JAK3: variants seen among roughly 807,000 people sequenced by gnomAD.
JAK3 encodes tyrosine-protein kinase JAK3.
In JAK3, 88 loss-of-function variants were observed where a neutral mutation model predicts 120.8. The observed-to-expected ratio is 0.73, with a 90% CI of 0.61 to 0.87. The LOEUF (loss-of-function observed/expected upper bound fraction) is 0.87, where lower values mean the gene tolerates loss of function less well. Ranked by LOEUF, JAK3 falls within the 40% of genes least tolerant of loss-of-function variation. The pLI, the probability that JAK3 is intolerant of heterozygous loss-of-function variation, is 0.00. For missense variants in JAK3, 1,254 were observed against 1,501.4 expected (o/e 0.84, Z 2.72); for synonymous variants, 592 against 628.6 (o/e 0.94, Z 0.87).
chr19:17,832,901 A>G lies in JAK3; in HGVS notation c.2379T>C (p.Pro793=). Reference sequence around the variant, plus strand: ...GCCCATCACGAGGTGCCAGGGCACCAGGTGTGGGGTCTGAGAGGAGCTCAT... The same window carrying G: ...GCCCATCACGAGGTGCCAGGGCACCGGGTGTGGGGTCTGAGAGGAGCTCAT... The part of the protein sequence containing the change: ...SDYELLSDPT[P]GALAPRDGLW... The change falls in exon 18 of 24, where the codon CCT becomes CCC. Residue 793 remains proline, a synonymous_variant. Transcript: ENST00000458235. This position sits in a 1 kb window ranked among gnomAD's most constrained non-coding sequence, Gnocchi z 4.7. The G allele has an allele frequency of 6.2e-7, 1 of 1,614,180 alleles. No individual in the cohort carries two copies. The highest frequency in any genetic ancestry group is 1.3e-5 in the African/African-American group (1 of 75,078).
intron 23 of JAK3, 120 bp downstream of exon 23, chr19:17,829,988 T>G (rs1171120111): frequency 1.3e-6 from 1 of 761,676 alleles, no homozygotes; most frequent in East Asian, 2.7e-5. Context: ...GCCAGGATCC[T>G]CATCGGCCTC....
Position 17,831,114 on chromosome 19 carries a change from G to C in JAK3, c.2978+114C>G. The C allele has an allele frequency of 8.7e-7, 1 of 1,145,818 alleles. No individual in the cohort carries two copies. The highest frequency in any genetic ancestry group is 1.4e-5 in the South Asian group (1 of 69,268). 71.0% of individuals were successfully genotyped at this position (1,145,818 alleles called of 1,614,324 possible). A position where few individuals can be genotyped will look rare whatever the true frequency, so the allele number is the denominator to read the frequency against. ...TGGGAGGGGCCAAAGCTGCAGCGGA[G>C]GAAGGGCGGGGCTAAGGCTGGGGAG... On this transcript the variant is annotated intron_variant, in intron 21 of 23. Coordinates refer to ENST00000458235, the MANE Select transcript of JAK3 (RefSeq NM_000215.4). The surrounding 1 kb of genome is among the most constrained non-coding windows in gnomAD (Gnocchi z 5.1).
chr19:17,842,860 C>A lies in JAK3; in HGVS notation c.566+167G>T. On this transcript the variant is annotated intron_variant, in intron 5 of 23. Coordinates refer to ENST00000458235, the MANE Select transcript of JAK3 (RefSeq NM_000215.4). This position sits in a 1 kb window ranked among gnomAD's most constrained non-coding sequence, Gnocchi z 6.4. ...TGGGGGAGGTCAGGTGTCTGTCCAG[C>A]TGGAGCCTGGGGGTGGAGAGGGCTG... 1 of 1,005,364 alleles carries A rather than the reference C, an allele frequency of 9.9e-7. No individual in the cohort carries two copies. Among genetic ancestry groups the A allele is most frequent in the South Asian group, 1.4e-5 (1 of 69,978 alleles). The allele number at this position is 1,005,364 out of a possible 1,614,324, so 62.3% of individuals were successfully genotyped here. A position where few individuals can be genotyped will look rare whatever the true frequency, so the allele number is the denominator to read the frequency against.
rs577496865 is a variant in JAK3 at position 17,826,836 on chromosome 19, C to T, written c.3282G>A (p.Gln1094=). ...DRPSFSALGP[Q]LDMLWSGSRG... The stretch of plus-strand genomic sequence containing the variant: ...GGCTTCCGCTCCACAGCATGTCCAG[C>T]TGGGGGCCCAGGGCGCTGAATGATG... The change falls in exon 24 of 24, where the codon CAG becomes CAA. Residue 1094 remains glutamine (Q), a synonymous_variant. Transcript: ENST00000458235. 3.1e-6 allele frequency: 5 copies of T among 1,614,086 alleles called. No individual in the cohort carries two copies. The highest frequency in any genetic ancestry group is 2.2e-5 in the East Asian group (1 of 44,868).
Position 17,832,900 on chromosome 19 carries a change from C to A in JAK3, c.2380G>T (p.Gly794Cys). 1.2e-6 allele frequency: 2 copies of A among 1,614,162 alleles called. No homozygotes were observed. Among genetic ancestry groups the A allele is most frequent in the Non-Finnish European group, 1.7e-6 (2 of 1,180,010 alleles). Residue 794 changes from glycine (G) to cysteine (C), a missense_variant, in exon 18 of 24, where the codon GGT becomes TGT. Physicochemically the swap from Gly to Cys is radical, Grantham distance 159 (BLOSUM62 -3). Transcript: ENST00000458235. This position sits in a 1 kb window ranked among gnomAD's most constrained non-coding sequence, Gnocchi z 4.7. ...DYELLSDPTP[G>C]ALAPRDGLWN... ...AGCCCATCACGAGGTGCCAGGGCAC[C>A]AGGTGTGGGGTCTGAGAGGAGCTCA...
At position 17,830,121 on chromosome 19, in the gene JAK3, G is replaced by T. The variant is rs1029796211; in HGVS notation, c.3194C>A (p.Ala1065Asp). The T allele has an allele frequency of 6.3e-7, 1 of 1,581,454 alleles. No individual in the cohort carries two copies. The highest frequency in any genetic ancestry group is 8.6e-7 in the Non-Finnish European group (1 of 1,164,998). ...EEGQRLPAPP[A>D]CPAEVHELMK... ...TGCGGCGCTCACCTCAGCAGGGCAG[G>T]CAGGAGGCGCCGGCAGCCTCTGGCC... The change falls in exon 23 of 24, where the codon GCC (alanine) becomes GAC (aspartate). Residue 1065 changes from alanine (A) to aspartate (D), a missense_variant. By Grantham distance (126) the Ala-to-Asp change is moderately radical. Coordinates refer to ENST00000458235, the MANE Select transcript of JAK3 (RefSeq NM_000215.4).
intron 23 of JAK3, 61 bp downstream of exon 23, chr19:17,830,047 T>C (rs1257638566): frequency 7.9e-7 from 1 of 1,258,758 alleles, no homozygotes; most frequent in South Asian, 1.3e-5. Context: ...CCAGCTGGCT[T>C]GCCCGAGACC....
chr19:17,838,426 C>A (rs751180766), intron 10 of JAK3, 36 bp from the exon 11 acceptor site: 6 of 1,613,918 alleles, frequency 3.7e-6, no homozygotes, highest in Non-Finnish European at 5.1e-6. Context: ...AACCAGAAAT[C>A]AGAGGTGAAA....
chr19:17,836,934 A>G (rs1274869323), intron 13 of JAK3, 195 bp downstream of exon 13: 5 of 687,262 alleles, frequency 7.3e-6, no homozygotes, highest in Non-Finnish European at 1.3e-5. Flanking sequence ...GGGGCTGGAT[A>G]TGGGTGAGAA....
In JAK3 at chr19:17,831,760, T is replaced by G. The variant is rs1259843283; in HGVS notation, c.2719A>C (p.Ser907Arg). 1.2e-6 allele frequency: 2 copies of G among 1,612,680 alleles called. No homozygotes were observed. Among genetic ancestry groups the G allele is most frequent in the Non-Finnish European group, 1.7e-6 (2 of 1,179,832 alleles). The change falls in exon 20 of 24, where the codon AGC becomes CGC. Residue 907 changes from serine (S) to arginine (R), a missense_variant. Physicochemically the swap from Ser to Arg is moderately radical, Grantham distance 110 (BLOSUM62 -1). This residue lies in a region of JAK3 where 630 missense variants were observed against 819.8 expected (regional missense o/e 0.77). Transcript: ENST00000458235. The surrounding 1 kb of genome is among the most constrained non-coding windows in gnomAD (Gnocchi z 5.1). ...TGCAGGAAGTCGCGCAAGCAGCCGC[T>G]GGGCAGGTACTCCATGACCAGCCGC... is the stretch of plus-strand genomic sequence containing the variant. ...SLRLVMEYLP[S>R]GCLRDFLQRH... is the part of the protein sequence containing the mutation.
intron 23 of JAK3, among the ~76,000 whole-genome samples, chr19:17,827,272 C>A (rs1159188009): frequency 1.3e-5 from 2 of 152,148 alleles, no homozygotes; most frequent in East Asian, 3.9e-4. Flanking sequence ...AGCCACCGCA[C>A]TCATTCAGTT....
chr19:17,830,615 G>A lies in JAK3; in HGVS notation c.2984C>T (p.Ala995Val). The change falls in exon 22 of 24, where the codon GCC (alanine) becomes GTC (valine). Residue 995 changes from alanine (A) to valine (V), a missense_variant. By Grantham distance (64) the Ala-to-Val change is moderately conservative. Around this residue, in one of 3 missense-constraint regions of JAK3, gnomAD observed 630 missense variants for 819.8 expected, o/e 0.77. Coordinates refer to ENST00000458235, the MANE Select transcript of JAK3 (RefSeq NM_000215.4). ...GATGTTGTCCGAGAGGGATTCGGGG[G>A]CATACCTGGAGAGGGGACAAGGTCT... is the stretch of plus-strand genomic sequence containing the variant. ...EPGQSPIFWY[A>V]PESLSDNIFS... 6.2e-7 allele frequency: 1 copy of A among 1,613,286 alleles called. No individual in the cohort carries two copies. The highest frequency in any genetic ancestry group is 8.5e-7 in the Non-Finnish European group (1 of 1,179,686).
In JAK3 at chr19:17,839,532, C is replaced by T. The variant is rs2147691116; in HGVS notation, c.1386G>A (p.Leu462=). The T allele has an allele frequency of 6.2e-7, 1 of 1,601,996 alleles. No homozygotes were observed. The highest frequency in any genetic ancestry group is 8.5e-7 in the Non-Finnish European group (1 of 1,174,454). ...ELLATCWDGG[L]HVDGVAVTLT... ...GGGTCACTGCCACCCCATCTACGTG[C>T]AGCCCCCCATCCCAGCAGGTTGCCA... is the stretch of plus-strand genomic sequence containing the variant. The change falls in exon 10 of 24, where the codon CTG becomes CTA. Residue 462 remains leucine (L), a synonymous_variant. Transcript: ENST00000458235.
chr19:17,839,729 C>CT (rs1166394621), intron 9 of JAK3, 66 bp from the exon 10 acceptor site: 81 of 1,133,906 alleles, frequency 7.1e-5, no homozygotes, highest in East Asian at 5.6e-4. Flanking sequence ...GTCCTTCTTC[C>CT]TTTTTTTTCT....
rs373951238 is a variant in JAK3 at position 17,844,979 on chromosome 19, A to G, written c.-13-549T>C. On this transcript the variant is annotated intron_variant, in intron 1 of 23. Transcript: ENST00000458235. Reference sequence around the variant, plus strand: ...GGGTGGGGCCAGGGGTGGGGCTTCGAGTCCCCTGAGAAAAATTGGGGAGAA... The same window carrying G: ...GGGTGGGGCCAGGGGTGGGGCTTCGGGTCCCCTGAGAAAAATTGGGGAGAA... 1.5e-4 allele frequency among the ~76,000 whole-genome samples: 23 copies of G among 152,096 alleles called. No homozygotes were observed. In the East Asian group the frequency reaches 2.7e-3, roughly 18 times the overall value.
rs943912652 is a variant in JAK3 at position 17,844,263 on chromosome 19, T to C, written c.155A>G (p.Asp52Gly). 6.2e-7 allele frequency: 1 copy of C among 1,603,066 alleles called. No individual in the cohort carries two copies. Among genetic ancestry groups the C allele is most frequent in the Non-Finnish European group, 8.5e-7 (1 of 1,175,946 alleles). The change falls in exon 2 of 24, where the codon GAC becomes GGC. Residue 52 changes from aspartate (D) to glycine (G), a missense_variant. Around this residue, in one of 3 missense-constraint regions of JAK3, gnomAD observed 138 missense variants for 178.7 expected, o/e 0.77. Coordinates refer to ENST00000458235, the MANE Select transcript of JAK3 (RefSeq NM_000215.4). ...SFSFGDHLAEDLCVQAAKASG... is the reference protein window; with the variant it reads ...SFSFGDHLAEGLCVQAAKASG... ...GGCCTTGGCAGCCTGCACGCACAGGTCCTCAGCCAAGTGGTCCCCAAAGGA... is the reference window on the plus strand; with the variant it reads ...GGCCTTGGCAGCCTGCACGCACAGGCCCTCAGCCAAGTGGTCCCCAAAGGA...
rs775003661 is a variant in JAK3, at chr19:17,832,670, C to T, written c.2529G>A (p.Pro843=). 22 of 1,614,074 alleles carry T rather than the reference C, an allele frequency of 1.4e-5. No homozygotes were observed. Among genetic ancestry groups the T allele is most frequent in the East Asian group, 6.7e-5 (3 of 44,898 alleles). The change falls in exon 19 of 24, where the codon CCG becomes CCA. Residue 843 remains proline, a synonymous_variant. Transcript: ENST00000458235. This position sits in a 1 kb window ranked among gnomAD's most constrained non-coding sequence, Gnocchi z 4.7. ...CCAGGGCACCTGTATTGTCGCCTAG[C>T]GGGTCATAGCGGCACAGCTCCACGC... is the stretch of plus-strand genomic sequence containing the variant. ...FGSVELCRYD[P]LGDNTGALVA...
rs761912307 is a variant in JAK3, at chr19:17,831,889, C to T, written c.2681-91G>A. The T allele has an allele frequency of 3.5e-5, 54 of 1,538,328 alleles. No homozygotes were observed. The highest frequency in any genetic ancestry group is 4.7e-5 in the Non-Finnish European group (53 of 1,120,266). On this transcript the variant is annotated intron_variant, in intron 19 of 23. Transcript: ENST00000458235. This position sits in a 1 kb window ranked among gnomAD's most constrained non-coding sequence, Gnocchi z 5.1. Reference sequence around the variant, plus strand: ...TCACAGTGGGACCTTGTGTCCCTCTCGACCTCAGTTTTGCTGACTGTAATA... The same window carrying T: ...TCACAGTGGGACCTTGTGTCCCTCTTGACCTCAGTTTTGCTGACTGTAATA...
At position 17,843,477 on chromosome 19, in the gene JAK3, T is replaced by C. The variant is rs199790370; in HGVS notation, c.323A>G (p.Asn108Ser). The C allele has an allele frequency of 1.8e-5, 28 of 1,596,216 alleles. No individual in the cohort carries two copies. The highest frequency in any genetic ancestry group is 2.0e-5 in the Non-Finnish European group (24 of 1,171,186). ...LLYRIRFYFP[N>S]WFGLEKCHRF... ...GTGGCACTTCTCCAGCCCAAACCAA[T>C]TGGGGAAGTAAAAGCTGTGAGGAGA... The change falls in exon 4 of 24, where the codon AAT becomes AGT. Residue 108 changes from asparagine to serine, a missense_variant. By Grantham distance (46) the Asn-to-Ser change is conservative. This residue lies in a region of JAK3 where 138 missense variants were observed against 178.7 expected (regional missense o/e 0.77). Transcript: ENST00000458235. The surrounding 1 kb of genome is among the most constrained non-coding windows in gnomAD (Gnocchi z 5.4).
Sources: gnomAD v4.1 joint callset for allele counts (sites outside exome capture counted in the v4.1 genomes callset) on GRCh38, gnomAD v4.1.1 for gene constraint, gnomAD v4.1.1 regional missense constraint, Gnocchi (gnomAD v3.1) non-coding constraint, MANE v1.5 for transcripts, NCBI Gene and HGNC (gene_info 2026-07-23, HGNC 2026-07-21) for gene names.